GON4L: variants seen among roughly 807,000 people sequenced by gnomAD.
GON4L encodes gon-4 like, also known as GON-4-like protein.
In GON4L, 87 loss-of-function variants were observed where a neutral mutation model predicts 211.8. That is an observed-to-expected ratio of 0.41 (90% CI 0.35 to 0.49). The LOEUF (loss-of-function observed/expected upper bound fraction) is 0.49, where lower values mean the gene tolerates loss of function less well. Among genes scored for constraint, GON4L ranks in the 20% least tolerant of loss-of-function variants. GON4L has a pLI of 0.15. For missense variants in GON4L, 2,155 were observed against 2,659.5 expected (o/e 0.81, Z 4.17); for synonymous variants, 875 against 962.6 (o/e 0.91, Z 1.68).
intron 14 of GON4L, among the ~76,000 whole-genome samples, chr1:155,780,576 G>C (rs991723542): frequency 3.9e-5 from 6 of 152,058 alleles, no homozygotes; most frequent in Non-Finnish European, 8.8e-5. Context: ...CTGGGCGATA[G>C]AGCAAGACTC....
At chr1:155,764,803 T>G in intron 21 of GON4L, 197 bp downstream of exon 21, 1 of 1,376,806 alleles carries the variant, frequency 7.3e-7, no homozygotes, top group Non-Finnish European at 1.0e-6. Context: ...TAAACGAGTT[T>G]AATATAATAA....
chr1:155,791,184 C>T (rs2101961636), intron 12 of GON4L, among the ~76,000 whole-genome samples: 1 of 152,190 alleles, frequency 6.6e-6, no homozygotes, highest in South Asian at 2.1e-4. Context: ...ACCGCTTGAA[C>T]CTGGGAGGCG....
downstream of GON4L, chr1:155,748,365 C>T (rs527667033): frequency 3.4e-5 from 54 of 1,578,720 alleles, 2 homozygotes; most frequent in East Asian, 1.3e-4. Flanking sequence ...TTTCCAGGCC[C>T]GAGGCCAAGT....
chr1:155,793,470 T>C (rs1233758298), intron 12 of GON4L, among the ~76,000 whole-genome samples: 2 of 152,248 alleles, frequency 1.3e-5, no homozygotes, highest in Non-Finnish European at 2.9e-5. Context: ...ATGTCGTGTA[T>C]ATTATTCCAG....
At chr1:155,828,060 T>C (rs1383531030) in intron 2 of GON4L, among the ~76,000 whole-genome samples, 2 of 151,636 alleles carry the variant, frequency 1.3e-5, no homozygotes, top group Non-Finnish European at 2.9e-5. Flanking sequence ...TAGGAGGGTG[T>C]GGTGGGAGAA....
chr1:155,754,520 AGTT>A (rs777262229), intron 27 of GON4L, 32 bp from the exon 28 acceptor site: 44 of 783,442 alleles, frequency 5.6e-5, no homozygotes, highest in Middle Eastern at 2.5e-4. Context: ...TTAGCTGCCA[AGTT>A]GTTTTTTTTT....
At chr1:155,818,125 T>C (rs1668415058) in intron 6 of GON4L, among the ~76,000 whole-genome samples, 1 of 151,920 alleles carries the variant, frequency 6.6e-6, no homozygotes, top group Non-Finnish European at 1.5e-5. Flanking sequence ...GTTAATTATA[T>C]TCTTTTTTTT....
intron 12 of GON4L, among the ~76,000 whole-genome samples, chr1:155,788,045 G>A (rs764109446): frequency 2.6e-5 from 4 of 151,756 alleles, no homozygotes; most frequent in Non-Finnish European, 5.9e-5. Flanking sequence ...AGGCTGGAGC[G>A]CGGTGGCGCG....
intron 12 of GON4L, among the ~76,000 whole-genome samples, chr1:155,790,422 T>C (rs950348407): frequency 6.6e-6 from 1 of 151,396 alleles, no homozygotes; most frequent in South Asian, 2.1e-4. Context: ...TTAAAGTTTT[T>C]TGTAGAGATG....
intron 15 of GON4L, among the ~76,000 whole-genome samples, chr1:155,777,165 A>C (rs969696909): frequency 2.6e-5 from 4 of 152,244 alleles, no homozygotes; most frequent in Admixed American, 2.6e-4. Flanking sequence ...AGGCATGAAC[A>C]TGATGACTTC....
At chr1:155,833,903 C>T (rs1670052166) in intron 2 of GON4L, among the ~76,000 whole-genome samples, 1 of 152,018 alleles carries the variant, frequency 6.6e-6, no homozygotes, top group African/African-American at 2.4e-5. Context: ...TCAGAGCTCA[C>T]TGCAACCTTG....
At chr1:155,759,585 AAAT>A (rs1472849489) in intron 24 of GON4L, among the ~76,000 whole-genome samples, 4 of 151,824 alleles carry the variant, frequency 2.6e-5, no homozygotes, top group Non-Finnish European at 5.9e-5. Context: ...AAAAAAAAAA[AAAT>A]TTTTTTTTTT....
intron 12 of GON4L, among the ~76,000 whole-genome samples, chr1:155,789,851 A>G (rs925584081): frequency 1.3e-5 from 2 of 151,798 alleles, no homozygotes; most frequent in Non-Finnish European, 2.9e-5. Context: ...ATTTGCATAT[A>G]ATCTACACAC....
At chr1:155,845,412 C>A in intron 2 of GON4L, 1 of 331,790 alleles carries the variant, frequency 3.0e-6, no homozygotes, top group South Asian at 2.6e-5. Flanking sequence ...GTAGTCCACC[C>A]CCAGGTACTG....
At chr1:155,842,970 G>A (rs1202497232) in intron 2 of GON4L, among the ~76,000 whole-genome samples, 1 of 152,156 alleles carries the variant, frequency 6.6e-6, no homozygotes, top group Non-Finnish European at 1.5e-5. Flanking sequence ...TCACTAGCTA[G>A]GTACACCTGT....
chr1:155,857,691 T>C (rs1217141701), upstream of GON4L, among the ~76,000 whole-genome samples: 1 of 151,588 alleles, frequency 6.6e-6, no homozygotes, highest in Non-Finnish European at 1.5e-5. Flanking sequence ...ATCGTGCCAC[T>C]GCACTCCAAC....
chr1:155,847,958 C>T (rs1671411023), intron 2 of GON4L, among the ~76,000 whole-genome samples: 1 of 152,100 alleles, frequency 6.6e-6, no homozygotes, highest in African/African-American at 2.4e-5. Flanking sequence ...TTTACAAATG[C>T]CATGGCAACC....
chr1:155,748,007 AAC>A (rs775966138), downstream of GON4L: 8 of 1,603,940 alleles, frequency 5.0e-6, no homozygotes, highest in Admixed American at 1.7e-5. Flanking sequence ...TCGTCTATTA[AAC>A]ACAGCTTTTG....
At chr1:155,785,732 C>T (rs773591022) in intron 12 of GON4L, among the ~76,000 whole-genome samples, 5 of 152,278 alleles carry the variant, frequency 3.3e-5, no homozygotes, top group Non-Finnish European at 4.4e-5. Flanking sequence ...CAGCCCAACT[C>T]GGCCTCCCAA....
Sources: gnomAD v4.1 joint callset for allele counts (sites outside exome capture counted in the v4.1 genomes callset) on GRCh38, gnomAD v4.1.1 for gene constraint, MANE v1.5 for transcripts, NCBI Gene and HGNC (gene_info 2026-07-23, HGNC 2026-07-21) for gene names.